The following ILRUN variants were observed in gnomAD, a reference collection of about 807,000 sequenced individuals.
The protein encoded by ILRUN is protein ILRUN.
In ILRUN, 3 loss-of-function variants were observed where a neutral mutation model predicts 33.8. The ratio of observed to expected loss-of-function variants is 0.09; its 90% confidence interval spans 0.04 to 0.23. The LOEUF is 0.23. ILRUN is among the 10% of genes least tolerant of loss of function. ILRUN has a pLI of 1.00. For missense variants in ILRUN, 210 were observed against 375.1 expected (o/e 0.56, Z 3.64); for synonymous variants, 124 against 138.9 (o/e 0.89, Z 0.75).
chr6:34,642,715 A>T (rs1202930154), intron 3 of ILRUN, among the ~76,000 whole-genome samples: 1 of 151,222 alleles, frequency 6.6e-6, no homozygotes, highest in African/African-American at 2.4e-5. Context: ...AGAGCTGGGC[A>T]CAGTGGCTCA....
At chr6:34,640,856 G>GGA in intron 3 of ILRUN, among the ~76,000 whole-genome samples, 1 of 152,062 alleles carries the variant, frequency 6.6e-6, no homozygotes, top group South Asian at 2.1e-4. Flanking sequence ...TGAGGCAGGT[G>GGA]GATCACGAGG....
intron 1 of ILRUN, among the ~76,000 whole-genome samples, chr6:34,683,499 C>CATAT (rs769656862): frequency 3.5e-5 from 3 of 84,530 alleles, no homozygotes; most frequent in South Asian, 3.4e-4. Context: ...TATATATATA[C>CATAT]ATATATATAT....
chr6:34,662,609 G>C (rs1762912957), intron 1 of ILRUN, among the ~76,000 whole-genome samples: 1 of 152,194 alleles, frequency 6.6e-6, no homozygotes, highest in Non-Finnish European at 1.5e-5. Flanking sequence ...GATGAACCTT[G>C]AGGATTTTAT....
chr6:34,683,614 G>A (rs1763455341), intron 1 of ILRUN, among the ~76,000 whole-genome samples: 1 of 150,512 alleles, frequency 6.6e-6, no homozygotes, highest in African/African-American at 2.4e-5. Flanking sequence ...TGTTAGCAGT[G>A]GCTATATCTG....
chr6:34,601,627 A>T (rs1761509442), intron 4 of ILRUN, among the ~76,000 whole-genome samples: 1 of 152,186 alleles, frequency 6.6e-6, no homozygotes. Flanking sequence ...TTCAAAGTAG[A>T]TAATAGATCC....
chr6:34,642,190 C>T (rs1422968306), intron 3 of ILRUN, among the ~76,000 whole-genome samples: 7 of 152,106 alleles, frequency 4.6e-5, no homozygotes, highest in East Asian at 3.8e-4. Context: ...TAAGAAGGGA[C>T]GACATGACGC....
At chr6:34,675,438 T>G (rs1023773848) in intron 1 of ILRUN, among the ~76,000 whole-genome samples, 3 of 152,152 alleles carry the variant, frequency 2.0e-5, no homozygotes, top group African/African-American at 7.2e-5. Flanking sequence ...GAAAACATGT[T>G]AAGGTACTAA....
chr6:34,617,817 C>T (rs1225343076), intron 3 of ILRUN, among the ~76,000 whole-genome samples: 1 of 152,122 alleles, frequency 6.6e-6, no homozygotes, highest in Non-Finnish European at 1.5e-5. Flanking sequence ...AAATGCCCCT[C>T]AAAAAACGTA....
intron 2 of ILRUN, among the ~76,000 whole-genome samples, chr6:34,647,476 T>C (rs902198173): frequency 3.9e-5 from 6 of 152,148 alleles, no homozygotes; most frequent in Admixed American, 3.3e-4. Flanking sequence ...ACAATGGCAC[T>C]AGTTGGAGGA....
chr6:34,650,407 T>TTTTATTTATTTATTTA (rs56072656), intron 2 of ILRUN, among the ~76,000 whole-genome samples: 5 of 141,496 alleles, frequency 3.5e-5, no homozygotes, highest in East Asian at 4.0e-4. Context: ...ATTTATTTAT[T>TTTTATTTATTTATTTA]TTTATTTATT....
intron 1 of ILRUN, among the ~76,000 whole-genome samples, chr6:34,659,930 GTC>G: frequency 6.6e-6 from 1 of 152,124 alleles, no homozygotes; most frequent in African/African-American, 2.4e-5. Flanking sequence ...CCATAAGGCA[GTC>G]TTAGGAAGAA....
intron 1 of ILRUN, among the ~76,000 whole-genome samples, chr6:34,684,566 A>C (rs566264448): frequency 1.4e-4 from 22 of 152,314 alleles, no homozygotes; most frequent in South Asian, 4.1e-4. Context: ...GGAGAAACAA[A>C]GGCTGTTAGG....
At chr6:34,616,830 G>T in intron 3 of ILRUN, 1 of 703,632 alleles carries the variant, frequency 1.4e-6, no homozygotes. Flanking sequence ...CCAAAGGTCT[G>T]AAAGGTGTTG....
intron 3 of ILRUN, among the ~76,000 whole-genome samples, chr6:34,645,043 T>C (rs1043735299): frequency 1.3e-5 from 2 of 152,202 alleles, no homozygotes; most frequent in African/African-American, 4.8e-5. Context: ...CAAAGAATGA[T>C]GTCACATAAG....
At chr6:34,678,277 G>A (rs1386180088) in intron 1 of ILRUN, among the ~76,000 whole-genome samples, 1 of 152,086 alleles carries the variant, frequency 6.6e-6, no homozygotes, top group Non-Finnish European at 1.5e-5. Flanking sequence ...CTGACCTTGG[G>A]TGATCCACCC....
chr6:34,675,662 A>C (rs1763213729), intron 1 of ILRUN, among the ~76,000 whole-genome samples: 1 of 152,216 alleles, frequency 6.6e-6, no homozygotes, highest in Non-Finnish European at 1.5e-5. Flanking sequence ...AGTGCCACAT[A>C]GTAAAAAACA....
At chr6:34,669,762 T>C (rs1582095559) in intron 1 of ILRUN, among the ~76,000 whole-genome samples, 3 of 152,030 alleles carry the variant, frequency 2.0e-5, no homozygotes, top group African/African-American at 4.8e-5. Context: ...ATGTGGTATA[T>C]CCATACCACA....
intron 3 of ILRUN, among the ~76,000 whole-genome samples, chr6:34,627,110 T>G (rs1358041071): frequency 6.6e-6 from 1 of 152,210 alleles, no homozygotes; most frequent in East Asian, 1.9e-4. Context: ...ATGCTTTTAC[T>G]GTCTCCGTAG....
intron 4 of ILRUN, among the ~76,000 whole-genome samples, chr6:34,603,435 C>T (rs867482557): frequency 7.2e-5 from 11 of 152,272 alleles, no homozygotes; most frequent in African/African-American, 2.6e-4. Context: ...GAGATCGAGA[C>T]CATCCCGGCT....
Sources: gnomAD v4.1 joint callset for allele counts (sites outside exome capture counted in the v4.1 genomes callset) on GRCh38, gnomAD v4.1.1 for gene constraint, MANE v1.5 for transcripts, NCBI Gene and HGNC (gene_info 2026-07-23, HGNC 2026-07-21) for gene names.